Variants in DAW1 observed in about 807,000 individuals in gnomAD.
DAW1 encodes dynein assembly factor with WD repeat domains 1.
In DAW1, 47 loss-of-function variants were observed where a neutral mutation model predicts 56.5. The ratio of observed to expected loss-of-function variants is 0.83; its 90% CI spans 0.66 to 1.06. The LOEUF is 1.06. Ranked by LOEUF, DAW1 falls within the 50% of genes least tolerant of loss-of-function variation. DAW1 has a pLI of 0.00. For synonymous variants in DAW1, 190 were observed against 179.0 expected (o/e 1.06, Z -0.49); for missense variants, 505 against 499.3 (o/e 1.01, Z -0.11).
At chr2:227,878,213 T>C (rs934726242) in intron 1 of DAW1, among the ~76,000 whole-genome samples, 6 of 152,222 alleles carry the variant, frequency 3.9e-5, no homozygotes, top group African/African-American at 1.4e-4. Flanking sequence ...CATCATTTAT[T>C]TACTCAAGCA....
intron 1 of DAW1, chr2:227,876,414 A>G (rs1454131092): frequency 7.7e-7 from 1 of 1,299,550 alleles, no homozygotes; most frequent in East Asian, 5.6e-5. Context: ...ATTACTTAGC[A>G]TGCTTGACAT....
At chr2:227,901,428 CT>C in intron 6 of DAW1, among the ~76,000 whole-genome samples, 1 of 152,150 alleles carries the variant, frequency 6.6e-6, no homozygotes, top group East Asian at 1.9e-4. Flanking sequence ...GCAGTGAGGT[CT>C]GGGAAAGAGA....
At chr2:227,907,013 A>G (rs1040749353) in intron 9 of DAW1, 125 bp from the exon 10 acceptor site, 3 of 618,102 alleles carry the variant, frequency 4.9e-6, no homozygotes, top group African/African-American at 3.7e-5. Flanking sequence ...CATGAATTAC[A>G]CAAGTGATTT....
intron 5 of DAW1, among the ~76,000 whole-genome samples, chr2:227,894,799 T>C (rs1574656638): frequency 6.6e-6 from 1 of 152,228 alleles, no homozygotes; most frequent in East Asian, 1.9e-4. Context: ...TGAACATCTA[T>C]AGCAGTGAAC....
At chr2:227,892,354 G>A (rs927827325) in intron 4 of DAW1, among the ~76,000 whole-genome samples, 2 of 151,766 alleles carry the variant, frequency 1.3e-5, no homozygotes, top group African/African-American at 2.4e-5. Context: ...GGCTGGTCTC[G>A]AACACCTGAC....
intron 4 of DAW1, 118 bp downstream of exon 4, chr2:227,891,431 C>T: frequency 1.2e-6 from 1 of 811,170 alleles, no homozygotes; most frequent in South Asian, 1.7e-5. Context: ...TCAGTACTCC[C>T]TTGGATACTG....
chr2:227,916,350 C>T (rs926975309), intron 10 of DAW1, among the ~76,000 whole-genome samples: 9 of 152,138 alleles, frequency 5.9e-5, no homozygotes, highest in South Asian at 2.1e-4. Context: ...ACCTTGACAA[C>T]TATATATGGT....
At chr2:227,908,852 G>C (rs1691748289) in intron 10 of DAW1, among the ~76,000 whole-genome samples, 1 of 152,168 alleles carries the variant, frequency 6.6e-6, no homozygotes, top group Admixed American at 6.6e-5. Context: ...GTGAGGCATA[G>C]AATTTGAAGT....
chr2:227,911,214 A>G (rs971396985), intron 10 of DAW1, among the ~76,000 whole-genome samples: 1 of 142,662 alleles, frequency 7.0e-6, no homozygotes, highest in Non-Finnish European at 1.6e-5. Context: ...ATATGTGTAT[A>G]TATACATACA....
At chr2:227,907,793 C>G (rs542761880) in intron 10 of DAW1, among the ~76,000 whole-genome samples, 1 of 152,202 alleles carries the variant, frequency 6.6e-6, no homozygotes, top group African/African-American at 2.4e-5. Context: ...GATGATCCAC[C>G]TGCCTTGGCC....
At chr2:227,872,977 A>G (rs16824049) in intron 1 of DAW1, among the ~76,000 whole-genome samples, 2,367 of 152,242 alleles carry the variant, frequency 0.016, 54 homozygotes, top group African/African-American at 0.054. Flanking sequence ...GCTTCCTATC[A>G]TGCTTAGAAT....
At chr2:227,872,548 C>G (rs1690781621) in intron 1 of DAW1, 1 of 152,110 alleles carries the variant, frequency 6.6e-6, no homozygotes, top group Non-Finnish European at 1.5e-5. Flanking sequence ...CTCATGATTT[C>G]TTTTTTCCAG....
chr2:227,896,572 A>G (rs1165421605), intron 5 of DAW1, among the ~76,000 whole-genome samples: 2 of 150,852 alleles, frequency 1.3e-5, no homozygotes, highest in Non-Finnish European at 2.9e-5. Context: ...AATTCAACAC[A>G]ATCACCAAAG....
chr2:227,903,659 C>G (rs1691605769), intron 7 of DAW1, among the ~76,000 whole-genome samples: 1 of 146,722 alleles, frequency 6.8e-6, no homozygotes, highest in African/African-American at 2.5e-5. Context: ...TCCCACCCTC[C>G]CCTTCCTCCC....
chr2:227,887,773 G>A (rs984884060), intron 2 of DAW1: 25 of 152,164 alleles, frequency 1.6e-4, no homozygotes, highest in African/African-American at 4.8e-4. Context: ...TGACCTTTTG[G>A]TGATATGAGA....
chr2:227,902,981 C>T (rs774934979), intron 6 of DAW1, 21 bp from the exon 7 acceptor site: 5 of 1,608,836 alleles, frequency 3.1e-6, no homozygotes, highest in Non-Finnish European at 3.4e-6. Flanking sequence ...CCTAAAATTT[C>T]TCCCATTTTA....
intron 2 of DAW1, among the ~76,000 whole-genome samples, chr2:227,888,834 T>C (rs999965811): frequency 5.3e-5 from 8 of 152,228 alleles, no homozygotes; most frequent in African/African-American, 1.9e-4. Flanking sequence ...AGAATTTCTA[T>C]GAATTATTTG....
rs1200889287 is a variant in DAW1, at chr2:227,893,850, G to A, written c.373G>A (p.Glu125Lys). Residue 125 changes from glutamate (E) to lysine (K), a missense_variant, in exon 5 of 13, where the codon GAG becomes AAG. Glu to Lys is a moderately conservative substitution (Grantham distance 56, BLOSUM62 1). Coordinates refer to ENST00000309931, the MANE Select transcript of DAW1 (RefSeq NM_178821.3). Reference sequence around the variant, plus strand: ...CAAGCTCTGGGACACTGCGTCTGGAGAGGAGCTGAACACGCTGGAGGGCCA... The same window carrying A: ...CAAGCTCTGGGACACTGCGTCTGGAAAGGAGCTGAACACGCTGGAGGGCCA... ...TCKLWDTASGEELNTLEGHRN... is the reference protein window; with the variant it reads ...TCKLWDTASGKELNTLEGHRN... 1.2e-6 allele frequency: 2 copies of A among 1,614,032 alleles called. No individual in the cohort carries two copies. The highest frequency in any genetic ancestry group is 1.7e-5 in the Admixed American group (1 of 60,008).
intron 7 of DAW1, among the ~76,000 whole-genome samples, chr2:227,903,703 C>A (rs955731782): frequency 2.7e-5 from 4 of 146,914 alleles, no homozygotes; most frequent in African/African-American, 1.0e-4. Context: ...CCCTTCCTCC[C>A]ACCCCAGCCC....
Sources: gnomAD v4.1 joint callset for allele counts (sites outside exome capture counted in the v4.1 genomes callset) on GRCh38, gnomAD v4.1.1 for gene constraint, MANE v1.5 for transcripts, NCBI Gene and HGNC (gene_info 2026-07-23, HGNC 2026-07-21) for gene names.